Variants in STPG4 observed in about 807,000 individuals in gnomAD.
The protein encoded by STPG4 is sperm-tail PG-rich repeat containing 4.
A neutral mutation model predicts 31.5 loss-of-function variants in STPG4; 41 were observed. The observed-to-expected ratio is 1.30, with a 90% CI of 1.01 to 1.69. The LOEUF is 1.69. Ranked by LOEUF, STPG4 falls within the 40% of genes most tolerant of loss-of-function variation. STPG4 has a pLI of 0.00. For missense variants in STPG4, 375 were observed against 293.4 expected, an observed-to-expected ratio of 1.28 and a Z score of -2.03; for synonymous variants, 141 against 103.0, an observed-to-expected ratio of 1.37 and a Z score of -2.24.
At chr2:47,121,532 C>T (rs1686272023) in intron 5 of STPG4, among the ~76,000 whole-genome samples, 1 of 152,162 alleles carries the variant, frequency 6.6e-6, no homozygotes, top group Non-Finnish European at 1.5e-5. Flanking sequence ...AAGCCAGGTC[C>T]TTATCCCACC....
intron 4 of STPG4, 57 bp from the exon 5 acceptor site, chr2:47,130,052 T>A: frequency 6.7e-7 from 1 of 1,482,110 alleles, no homozygotes; most frequent in Non-Finnish European, 9.3e-7. Context: ...TTAAAGATCT[T>A]TGTTAACTTA....
intron 3 of STPG4, among the ~76,000 whole-genome samples, chr2:47,137,521 C>A (rs1220199086): frequency 6.6e-6 from 1 of 152,102 alleles, no homozygotes; most frequent in Non-Finnish European, 1.5e-5. Context: ...TGTCCCCTGC[C>A]CTCTATCTTC....
chr2:47,102,075 T>C (rs1685813048), intron 5 of STPG4, among the ~76,000 whole-genome samples: 1 of 151,852 alleles, frequency 6.6e-6, no homozygotes. Flanking sequence ...GTCCTCCATG[T>C]GGTCTGGGAG....
At chr2:47,132,367 C>T (rs147922957) in intron 3 of STPG4, among the ~76,000 whole-genome samples, 183 of 152,198 alleles carry the variant, frequency 1.2e-3, no homozygotes, top group African/African-American at 4.3e-3. Flanking sequence ...GAAACAATAC[C>T]GCTTTTGTTA....
intron 1 of STPG4, among the ~76,000 whole-genome samples, chr2:47,154,356 T>C (rs1686988937): frequency 6.6e-6 from 1 of 152,200 alleles, no homozygotes; most frequent in African/African-American, 2.4e-5. Context: ...CTCAGGCAGG[T>C]CAAGACAGGC....
intron 5 of STPG4, among the ~76,000 whole-genome samples, chr2:47,101,308 T>C (rs1342277968): frequency 6.6e-6 from 1 of 151,646 alleles, no homozygotes; most frequent in Non-Finnish European, 1.5e-5. Context: ...TTTCCTGTAC[T>C]TCTGGGCTGA....
At chr2:47,153,906 G>T (rs1189193055) in intron 1 of STPG4, among the ~76,000 whole-genome samples, 2 of 152,148 alleles carry the variant, frequency 1.3e-5, no homozygotes, top group Non-Finnish European at 1.5e-5. Flanking sequence ...GTATTCCTCA[G>T]TTTCCAAGGA....
Position 47,130,251 on chromosome 2 carries a change from G to C in STPG4, c.409C>G (p.Leu137Val). 6.2e-7 allele frequency: 1 copy of C among 1,613,938 alleles called. No individual in the cohort carries two copies. The highest frequency in any genetic ancestry group is 8.5e-7 in the Non-Finnish European group (1 of 1,179,842). ...TLVDKDQSLQ[L>V]SPGQYNVLPA... Reference sequence around the variant, plus strand: ...AGCACGTTGTATTGCCCCGGAGAAAGCTGAAGTGACTGCACAGAATGGACA... The same window carrying C: ...AGCACGTTGTATTGCCCCGGAGAAACCTGAAGTGACTGCACAGAATGGACA... Residue 137 changes from leucine to valine, a missense_variant, in exon 4 of 7, where the codon CTT becomes GTT. Transcript: ENST00000445927.
At chr2:47,118,935 G>T (rs149894851) in intron 5 of STPG4, among the ~76,000 whole-genome samples, 125 of 152,320 alleles carry the variant, frequency 8.2e-4, no homozygotes, top group African/African-American at 2.8e-3. Flanking sequence ...CCATAACTAT[G>T]AAGCTAATTT....
intron 5 of STPG4, among the ~76,000 whole-genome samples, chr2:47,116,597 G>C (rs759482837): frequency 4.6e-5 from 7 of 152,210 alleles, no homozygotes; most frequent in Non-Finnish European, 8.8e-5. Flanking sequence ...AAGGACATAA[G>C]TGGGACACTG....
chr2:47,112,560 T>A (rs1686061847), intron 5 of STPG4, among the ~76,000 whole-genome samples: 1 of 152,162 alleles, frequency 6.6e-6, no homozygotes, highest in Non-Finnish European at 1.5e-5. Flanking sequence ...TGGGTGCCTG[T>A]TTGTATCTTT....
At chr2:47,129,705 C>G in intron 5 of STPG4, 1 of 468,910 alleles carries the variant, frequency 2.1e-6, no homozygotes. Context: ...CTACCCTACC[C>G]TCTTCAGTGC....
At chr2:47,115,893 A>G (rs765737683) in intron 5 of STPG4, among the ~76,000 whole-genome samples, 10 of 152,128 alleles carry the variant, frequency 6.6e-5, no homozygotes, top group East Asian at 1.9e-4. Context: ...AGCTCAGGCA[A>G]TCCACCTGCC....
chr2:47,146,816 TA>T (rs1250867701), intron 3 of STPG4, among the ~76,000 whole-genome samples: 1 of 149,852 alleles, frequency 6.7e-6, no homozygotes, highest in Non-Finnish European at 1.5e-5. Context: ...AAAATGAGGA[TA>T]GGGGAGGAAG....
chr2:47,133,775 C>G (rs1473737148), intron 3 of STPG4, among the ~76,000 whole-genome samples: 2 of 151,832 alleles, frequency 1.3e-5, no homozygotes, highest in East Asian at 1.9e-4. Flanking sequence ...CAGGGCTTCT[C>G]CATGTTGGTC....
chr2:47,148,603 C>A (rs1253202810), intron 3 of STPG4, among the ~76,000 whole-genome samples: 3 of 152,016 alleles, frequency 2.0e-5, no homozygotes, highest in African/African-American at 7.2e-5. Flanking sequence ...CATATGTATA[C>A]ATGTGCCATG....
At chr2:47,113,020 G>T (rs1458558468) in intron 5 of STPG4, among the ~76,000 whole-genome samples, 1 of 144,232 alleles carries the variant, frequency 6.9e-6, no homozygotes, top group Non-Finnish European at 1.5e-5. Context: ...AAAATCACAA[G>T]TAAAAATTAG....
chr2:47,096,745 G>T (rs1345560701), intron 5 of STPG4, among the ~76,000 whole-genome samples: 3 of 152,224 alleles, frequency 2.0e-5, no homozygotes, highest in South Asian at 4.1e-4. Flanking sequence ...GATTCTGGCA[G>T]ATGTTAAAGA....
At chr2:47,099,407 C>A (rs1418146785) in intron 5 of STPG4, among the ~76,000 whole-genome samples, 3 of 152,218 alleles carry the variant, frequency 2.0e-5, no homozygotes, top group Non-Finnish European at 2.9e-5. Context: ...GCCTCAGCAC[C>A]GGCAGGAGCA....
Sources: allele counts gnomAD v4.1 joint callset (sites outside exome capture counted in the v4.1 genomes callset), GRCh38; gene constraint gnomAD v4.1.1; transcripts MANE v1.5; gene names NCBI Gene and HGNC (gene_info 2026-07-23, HGNC 2026-07-21).